The following SPTAN1 variants were observed in gnomAD, a reference collection of about 807,000 sequenced individuals.
The protein encoded by SPTAN1 is spectrin alpha chain, non-erythrocytic 1.
Under a neutral mutation model 331.3 loss-of-function variants are expected in SPTAN1, and 61 were observed. That is an observed-to-expected ratio of 0.18 (90% CI 0.15 to 0.23). The LOEUF (loss-of-function observed/expected upper bound fraction) is 0.23, where lower values mean the gene tolerates loss of function less well. SPTAN1 is among the 10% of genes least tolerant of loss of function. The pLI is 1.00. For missense variants in SPTAN1, 2,043 were observed against 3,147.9 expected (o/e 0.65, Z 8.40); for synonymous variants, 1,153 against 1,173.9 (o/e 0.98, Z 0.36).
rs1321228983 is a variant in SPTAN1 at position 128,562,562 on chromosome 9, A to G, written c.-3-4176A>G. Among the ~76,000 whole-genome samples the G allele has an allele frequency of 2.0e-5, 3 of 152,166 alleles. No individual in the cohort carries two copies. In the East Asian group the frequency reaches 5.8e-4, roughly 29 times the overall value. ...GATACGGCTGGAGGAGACAACTGGAAGGTGACTGAGTGAAGTCTTGTTTAC... is the reference window on the plus strand; with the variant it reads ...GATACGGCTGGAGGAGACAACTGGAGGGTGACTGAGTGAAGTCTTGTTTAC... On this transcript the variant is annotated intron_variant, in intron 1 of 56. Transcript: ENST00000372739.
At chr9:128,619,294 A>G (rs1467863345) in intron 44 of SPTAN1, among the ~76,000 whole-genome samples, 1 of 152,230 alleles carries the variant, frequency 6.6e-6, no homozygotes, top group African/African-American at 2.4e-5. Context: ...GCTGCCATAA[A>G]TAAGTACCAC....
At chr9:128,581,472 C>T (rs1454844544) in intron 11 of SPTAN1, among the ~76,000 whole-genome samples, 1 of 17,092 alleles carries the variant, frequency 5.9e-5, no homozygotes, top group Admixed American at 5.9e-4. Flanking sequence ...GATCCTGTCT[C>T]ACAAAAAAAA....
Position 128,600,122 on chromosome 9 carries a change from A to G in SPTAN1, c.3579+7A>G. 5 of 1,613,814 alleles carry G rather than the reference A, an allele frequency of 3.1e-6. No homozygotes were observed. The highest frequency in any genetic ancestry group is 1.7e-6 in the Non-Finnish European group (2 of 1,179,868). On this transcript the variant is annotated splice_region_variant and intron_variant, in intron 27 of 56. Coordinates refer to ENST00000372739, the MANE Select transcript of SPTAN1 (RefSeq NM_001130438.3). ...GACAGCCTCCCCGTGGAAGGTAAGA[A>G]CTCCTTTGCAAATTATTGTTTTCAA...
intron 23 of SPTAN1, 169 bp from the exon 24 acceptor site, chr9:128,594,006 T>G: frequency 1.4e-6 from 1 of 703,402 alleles, no homozygotes; most frequent in Non-Finnish European, 2.6e-6. Flanking sequence ...GTGGCGTGGG[T>G]ACTTGGGATC....
At chr9:128,611,866 G>T in intron 38 of SPTAN1, 21 bp downstream of exon 38, 4 of 1,614,082 alleles carry the variant, frequency 2.5e-6, no homozygotes, top group Non-Finnish European at 3.4e-6. Context: ...CCAGCTCCCG[G>T]TGCCCAGGGA....
chr9:128,576,977 T>G (rs543631449), intron 6 of SPTAN1, 21 bp downstream of exon 6: 2 of 1,613,910 alleles, frequency 1.2e-6, no homozygotes, highest in African/African-American at 2.7e-5. Context: ...AGAGTGGGCT[T>G]TGGGGAATGG....
At position 128,629,854 on chromosome 9, in the gene SPTAN1, C is replaced by T. The variant is rs1589405046; in HGVS notation, c.6708-467C>T. On this transcript the variant is annotated intron_variant, in intron 51 of 56. Transcript: ENST00000372739. This position sits in a 1 kb window ranked among gnomAD's most constrained non-coding sequence, Gnocchi z 4.9. ...TGCTCTCATTCCCCCTAGAATGGGGCTCCCTCCCTCAGGAACCTTGCCGGG... is the reference window on the plus strand; with the variant it reads ...TGCTCTCATTCCCCCTAGAATGGGGTTCCCTCCCTCAGGAACCTTGCCGGG... 1 of 322,178 alleles carries T rather than the reference C, an allele frequency of 3.1e-6. No homozygotes were observed. Among genetic ancestry groups the T allele is most frequent in the Non-Finnish European group, 6.1e-6 (1 of 163,072 alleles). 20.0% of individuals were successfully genotyped at this position (322,178 alleles called of 1,614,324 possible). A position where few individuals can be genotyped will look rare whatever the true frequency, so the allele number is the denominator to read the frequency against.
rs1033310166 is a variant in SPTAN1, at chr9:128,633,595, TTC to T, written c.*268_*269del. ...TCGAAGCAGCTGGCTCCTCCCCTTG[TTC>T]TCTCTCCCACCCTCCCCCAAATCTG... On this transcript the variant is annotated 3_prime_UTR_variant, in exon 57 of 57. Coordinates refer to ENST00000372739, the MANE Select transcript of SPTAN1 (RefSeq NM_001130438.3). 22 of 1,114,466 alleles carry T rather than the reference TTC, an allele frequency of 2.0e-5. No individual in the cohort carries two copies. The African/African-American group carries it at 3.4e-4, about 17-fold the overall frequency. 69.0% of individuals were successfully genotyped at this position (1,114,466 alleles called of 1,614,324 possible).
At chr9:128,612,047 CT>C in intron 38 of SPTAN1, 61 bp from the exon 39 acceptor site, 1 of 1,613,584 alleles carries the variant, frequency 6.2e-7, no homozygotes, top group Non-Finnish European at 8.5e-7. Flanking sequence ...TCAAATTGAG[CT>C]TTAGGAGAGG....
chr9:128,599,675 AG>A (rs1319902040), intron 26 of SPTAN1: 1 of 181,424 alleles, frequency 5.5e-6, no homozygotes, highest in East Asian at 1.4e-4. Context: ...TGCAACACAA[AG>A]CACAGCTCTA....
At chr9:128,588,758 A>T (rs765334240) in intron 20 of SPTAN1, 51 bp from the exon 21 acceptor site, 1 of 1,610,506 alleles carries the variant, frequency 6.2e-7, no homozygotes, top group Non-Finnish European at 8.5e-7. Flanking sequence ...TACTTAGATG[A>T]CTCAGCGCGG....
chr9:128,594,055 C>G (rs1399391286), intron 23 of SPTAN1, 120 bp from the exon 24 acceptor site: 2 of 910,210 alleles, frequency 2.2e-6, no homozygotes, highest in Non-Finnish European at 3.6e-6. Context: ...AGGGCATCAT[C>G]ATTACAAACT....
rs59257779 is a variant in SPTAN1 at position 128,606,374 on chromosome 9, CAAAAAA to C, written c.4046+910_4046+915del. Among the ~76,000 whole-genome samples the C allele has an allele frequency of 3.6e-4, 21 of 58,772 alleles. 2 individuals are homozygous for C. The South Asian group carries it at 5.5e-3, about 15-fold the overall frequency. 38.6% of individuals were successfully genotyped at this position (58,772 alleles called of 152,430 possible). On this transcript the variant is annotated intron_variant, in intron 31 of 56. Coordinates refer to ENST00000372739, the MANE Select transcript of SPTAN1 (RefSeq NM_001130438.3). ...TGGGCGATGGAGCAAGACTCTGCCT[CAAAAAA>C]AAAAAAAAAAAACAAGTCTCTACTT...
intron 1 of SPTAN1, among the ~76,000 whole-genome samples, chr9:128,555,195 G>A (rs1290854480): frequency 6.6e-6 from 1 of 152,102 alleles, no homozygotes. Context: ...GGATTTAGAC[G>A]CTATACAGAA....
intron 27 of SPTAN1, among the ~76,000 whole-genome samples, chr9:128,600,438 A>G (rs1419992857): frequency 3.3e-5 from 5 of 152,202 alleles, no homozygotes; most frequent in Admixed American, 3.3e-4. Context: ...GAACACGAGA[A>G]CAACTACACA....
chr9:128,630,979 G>A (rs1463865798), intron 52 of SPTAN1, among the ~76,000 whole-genome samples: 2 of 152,168 alleles, frequency 1.3e-5, no homozygotes, highest in African/African-American at 4.8e-5. Context: ...AAAGTGCTGG[G>A]ATTACAAGCG....
chr9:128,594,294 C>T lies in SPTAN1; in HGVS notation c.3335C>T (p.Ala1112Val). 1.2e-6 allele frequency: 2 copies of T among 1,614,142 alleles called. No homozygotes were observed. The highest frequency in any genetic ancestry group is 1.7e-6 in the Non-Finnish European group (2 of 1,180,046). The change falls in exon 24 of 57, where the codon GCC (alanine) becomes GTC (valine). Residue 1112 changes from alanine to valine, a missense_variant. By Grantham distance (64) the Ala-to-Val change is moderately conservative (BLOSUM62 0). Coordinates refer to ENST00000372739, the MANE Select transcript of SPTAN1 (RefSeq NM_001130438.3). ...ELQQWINEKE[A>V]ALTSEEVGAD... ...CAGCAATGGATCAATGAGAAGGAAG[C>T]CGCTCTGACAAGTGAGGAGGTCGGA... is the stretch of plus-strand genomic sequence containing the variant.
chr9:128,627,814 G>A lies in SPTAN1; in HGVS notation c.6690-111G>A. On this transcript the variant is annotated intron_variant, in intron 50 of 56. Transcript: ENST00000372739. This position sits in a 1 kb window ranked among gnomAD's most constrained non-coding sequence, Gnocchi z 4.9. ...CAGGGTCTGTGCGTTGGGTACTGATGTTCTTGCTTTTGTTTTCCTTTCTTT... is the reference window on the plus strand; with the variant it reads ...CAGGGTCTGTGCGTTGGGTACTGATATTCTTGCTTTTGTTTTCCTTTCTTT... The A allele has an allele frequency of 7.2e-7, 1 of 1,392,816 alleles. No individual in the cohort carries two copies. Among genetic ancestry groups the A allele is most frequent in the Non-Finnish European group, 1.0e-6 (1 of 978,974 alleles). The allele number at this position is 1,392,816 out of a possible 1,614,324, so 86.3% of individuals were successfully genotyped here.
chr9:128,554,668 G>A lies in SPTAN1; in HGVS notation c.-4+1972G>A, dbSNP rs978842393. ...GATCCCACTAGTTACGCACTCATCT[G>A]TTGCAGCATATCAGCTGCGGCTGTA... On this transcript the variant is annotated intron_variant, in intron 1 of 56. Coordinates refer to ENST00000372739, the MANE Select transcript of SPTAN1 (RefSeq NM_001130438.3). Among the ~76,000 whole-genome samples, 5 of 152,330 alleles carry A rather than the reference G, an allele frequency of 3.3e-5. No homozygotes were observed. The East Asian group carries it at 9.6e-4, about 29-fold the overall frequency.
Sources: gnomAD v4.1 joint callset for allele counts (sites outside exome capture counted in the v4.1 genomes callset) on GRCh38, gnomAD v4.1.1 for gene constraint, Gnocchi (gnomAD v3.1) non-coding constraint, MANE v1.5 for transcripts, NCBI Gene and HGNC (gene_info 2026-07-23, HGNC 2026-07-21) for gene names.